Variants in KCNIP1 observed in about 807,000 individuals in gnomAD.
KCNIP1 encodes the protein A-type potassium channel modulatory protein KCNIP1.
Under a neutral mutation model 33.0 loss-of-function variants are expected in KCNIP1, and 18 were observed. The ratio of observed to expected loss-of-function variants is 0.55; its 90% CI spans 0.38 to 0.81. The LOEUF (loss-of-function observed/expected upper bound fraction) is 0.81. Ranked by LOEUF, KCNIP1 falls within the 30% of genes least tolerant of loss-of-function variation. KCNIP1 has a pLI of 0.00. For missense variants in KCNIP1, 238 were observed against 271.6 expected (o/e 0.88, Z 0.87); for synonymous variants, 93 against 98.3 (o/e 0.95, Z 0.32).
At chr5:170,413,312 A>T (rs1755245765) in intron 1 of KCNIP1, among the ~76,000 whole-genome samples, 1 of 151,764 alleles carries the variant, frequency 6.6e-6, no homozygotes, top group African/African-American at 2.4e-5. Flanking sequence ...ACACTTTCAA[A>T]CTCATCGTGC....
chr5:170,437,616 T>A (rs918413718), intron 1 of KCNIP1, among the ~76,000 whole-genome samples: 3 of 152,150 alleles, frequency 2.0e-5, no homozygotes, highest in Non-Finnish European at 2.9e-5. Context: ...GGTATCTTCC[T>A]CAGCAGGCTC....
intron 1 of KCNIP1, among the ~76,000 whole-genome samples, chr5:170,713,081 G>A (rs965123844): frequency 6.6e-5 from 10 of 152,148 alleles, no homozygotes; most frequent in East Asian, 1.9e-4. Context: ...TTTGCTCCCC[G>A]TAAGAAATGG....
upstream of KCNIP1, among the ~76,000 whole-genome samples, chr5:170,501,060 T>C (rs963668888): frequency 3.9e-5 from 6 of 152,100 alleles, no homozygotes; most frequent in African/African-American, 1.4e-4. Context: ...AGTAGAGAGT[T>C]AAATCAGTAT....
At position 170,366,474 on chromosome 5, in the gene KCNIP1, C is replaced by T. The variant is rs73325628; in HGVS notation, c.88+12510C>T. 1.8e-3 allele frequency among the ~76,000 whole-genome samples: 281 copies of T among 152,334 alleles called. 1 individual carries two copies. The highest frequency in any genetic ancestry group is 6.4e-3 in the African/African-American group (265 of 41,578). On this transcript the variant is annotated intron_variant, in intron 1 of 7. Coordinates refer to the KCNIP1 transcript ENST00000377360. ...TTTGAGCATCTGCTGTGCCTGCTGG[C>T]CTGTCTCACAGGGCACATGAGGTAA...
intron 1 of KCNIP1, among the ~76,000 whole-genome samples, chr5:170,516,691 G>A (rs1379827276): frequency 6.6e-6 from 1 of 152,232 alleles, no homozygotes; most frequent in Non-Finnish European, 1.5e-5. Flanking sequence ...GATATGGTGT[G>A]TTGGGTGAAA....
At chr5:170,390,024 G>A (rs1383492602) in intron 1 of KCNIP1, among the ~76,000 whole-genome samples, 2 of 152,190 alleles carry the variant, frequency 1.3e-5, no homozygotes, top group Non-Finnish European at 2.9e-5. Context: ...GCTGGGAGTA[G>A]TGAGAGCTCC....
chr5:170,624,437 C>A (rs4867998), intron 1 of KCNIP1, among the ~76,000 whole-genome samples: 71,886 of 151,360 alleles, frequency 0.47, 17,589 homozygotes, highest in East Asian at 0.67. Flanking sequence ...AAACACCTTC[C>A]TTTCTCCAAA....
At chr5:170,568,747 TGAGAGGTG>T (rs2113478541) in intron 1 of KCNIP1, among the ~76,000 whole-genome samples, 1 of 150,304 alleles carries the variant, frequency 6.7e-6, no homozygotes, top group South Asian at 2.1e-4. Context: ...CACTTGGACC[TGAGAGGTG>T]GAGGTTGCAG....
chr5:170,514,286 C>T (rs1755046123), intron 1 of KCNIP1, among the ~76,000 whole-genome samples: 1 of 152,206 alleles, frequency 6.6e-6, no homozygotes, highest in South Asian at 2.1e-4. Flanking sequence ...ACATTTGCAT[C>T]CGTGTGGCTG....
intron 1 of KCNIP1, among the ~76,000 whole-genome samples, chr5:170,700,487 T>A (rs1458270990): frequency 6.6e-6 from 1 of 152,204 alleles, no homozygotes; most frequent in Non-Finnish European, 1.5e-5. Flanking sequence ...AAGGATCACT[T>A]GAGCCTGGGA....
chr5:170,514,088 A>G (rs1015706569), intron 1 of KCNIP1, among the ~76,000 whole-genome samples: 2 of 152,194 alleles, frequency 1.3e-5, no homozygotes, highest in African/African-American at 2.4e-5. Flanking sequence ...GGGCATATCC[A>G]GGACAAGCAA....
At chr5:170,630,896 G>C (rs1449038543) in intron 1 of KCNIP1, among the ~76,000 whole-genome samples, 1 of 152,192 alleles carries the variant, frequency 6.6e-6, no homozygotes, top group African/African-American at 2.4e-5. Flanking sequence ...GCAGCGTGCA[G>C]ATAAGAGCAT....
intron 1 of KCNIP1, among the ~76,000 whole-genome samples, chr5:170,657,235 A>G (rs1268312059): frequency 6.6e-6 from 1 of 152,004 alleles, no homozygotes; most frequent in Non-Finnish European, 1.5e-5. Context: ...ACCTCAGGTG[A>G]TCTGAGCACC....
chr5:170,390,519 T>TA (rs1754539020), intron 1 of KCNIP1, among the ~76,000 whole-genome samples: 1 of 49,446 alleles, frequency 2.0e-5, no homozygotes, highest in Non-Finnish European at 4.5e-5. Flanking sequence ...AAAAAACAAA[T>TA]ATATATATAT....
intron 1 of KCNIP1, among the ~76,000 whole-genome samples, chr5:170,679,754 G>A (rs1762267285): frequency 1.4e-5 from 2 of 148,084 alleles, no homozygotes; most frequent in African/African-American, 2.5e-5. Context: ...TATATTTTTA[G>A]TATCTTTCCA....
At chr5:170,681,273 C>G (rs1762334681) in intron 1 of KCNIP1, 2 of 395,974 alleles carry the variant, frequency 5.1e-6, no homozygotes, top group Non-Finnish European at 8.9e-6. Flanking sequence ...GAAATGAGGG[C>G]GGAGACCCGA....
intron 1 of KCNIP1, among the ~76,000 whole-genome samples, chr5:170,665,984 G>A (rs1319023231): frequency 6.6e-6 from 1 of 152,172 alleles, no homozygotes; most frequent in Non-Finnish European, 1.5e-5. Flanking sequence ...GGCTAAGATT[G>A]TGTTTGTCAG....
At chr5:170,358,273 G>T (rs990520477) in intron 1 of KCNIP1, among the ~76,000 whole-genome samples, 1 of 152,304 alleles carries the variant, frequency 6.6e-6, no homozygotes, top group Admixed American at 6.5e-5. Flanking sequence ...CTGCGGGGGT[G>T]GGGAAAAGGG....
intron 1 of KCNIP1, among the ~76,000 whole-genome samples, chr5:170,453,554 C>A (rs1756305233): frequency 6.6e-6 from 1 of 152,190 alleles, no homozygotes; most frequent in Admixed American, 6.5e-5. Flanking sequence ...AAATTAATTG[C>A]CAATCAGCTC....
Sources: allele counts gnomAD v4.1 joint callset (sites outside exome capture counted in the v4.1 genomes callset), GRCh38; gene constraint gnomAD v4.1.1; transcripts MANE v1.5; gene names NCBI Gene and HGNC (gene_info 2026-07-23, HGNC 2026-07-21).